The following SAE1 variants were observed in gnomAD, a reference collection of about 807,000 sequenced individuals.
SAE1 encodes SUMO-activating enzyme subunit 1.
SAE1 carries 11 observed loss-of-function variants against 40.6 expected under a neutral mutation model. That is an observed-to-expected ratio of 0.27 (90% CI 0.17 to 0.45). SAE1 has a LOEUF of 0.45. Among genes scored for constraint, SAE1 ranks in the 20% least tolerant of loss-of-function variants. The probability of loss-of-function intolerance (pLI) is 1.00; values close to 1 mark genes in which losing one functional copy is unlikely to be tolerated. For synonymous variants in SAE1, 155 were observed against 154.3 expected, an observed-to-expected ratio of 1.00 and a Z score of -0.03; for missense variants, 373 against 427.3, an observed-to-expected ratio of 0.87 and a Z score of 1.12.
At chr19:47,180,955 C>T (rs564637131) in intron 6 of SAE1, among the ~76,000 whole-genome samples, 29 of 152,188 alleles carry the variant, frequency 1.9e-4, no homozygotes, top group African/African-American at 7.0e-4. Flanking sequence ...AATATGTAAC[C>T]CTGGGTTGGA....
At chr19:47,161,107 T>G (rs969085355) in intron 5 of SAE1, among the ~76,000 whole-genome samples, 3 of 151,714 alleles carry the variant, frequency 2.0e-5, no homozygotes, top group Non-Finnish European at 4.4e-5. Flanking sequence ...GCTAAAGGGA[T>G]CCTCCCACCC....
chr19:47,164,229 C>T (rs1178923454), intron 5 of SAE1, among the ~76,000 whole-genome samples: 9 of 151,946 alleles, frequency 5.9e-5, no homozygotes, highest in Non-Finnish European at 1.2e-4. Flanking sequence ...AGTGCAGTGG[C>T]GCAATCTCGG....
intron 6 of SAE1, among the ~76,000 whole-genome samples, chr19:47,195,078 G>C (rs1014163237): frequency 2.1e-5 from 3 of 144,092 alleles, no homozygotes; most frequent in Non-Finnish European, 4.5e-5. Flanking sequence ...TTTCTGAGAT[G>C]AAGTCTCACT....
rs2058280474 is a variant in SAE1 at position 47,150,317 on chromosome 19, A to AGGT, written c.329_331dup (p.Val110dup). On this transcript the variant is annotated inframe_insertion, in exon 3 of 9. Transcript: ENST00000270225. ...AATCTCAACCCCATGGTGGATGTGA[A>AGGT]GGTGGACACTGAGGATATAGAGAAG... 1.9e-6 allele frequency: 3 copies of AGGT among 1,613,662 alleles called. No homozygotes were observed. The highest frequency in any genetic ancestry group is 2.5e-6 in the Non-Finnish European group (3 of 1,179,844).
At chr19:47,151,893 C>T (rs539585155) in intron 3 of SAE1, among the ~76,000 whole-genome samples, 5 of 152,322 alleles carry the variant, frequency 3.3e-5, no homozygotes, top group East Asian at 3.9e-4. Flanking sequence ...CCTTGCAGGC[C>T]GTGTTTGGCT....
intron 8 of SAE1, among the ~76,000 whole-genome samples, chr19:47,207,793 T>G (rs1415780321): frequency 1.3e-5 from 2 of 151,896 alleles, no homozygotes; most frequent in Non-Finnish European, 2.9e-5. Context: ...CGCCACCACA[T>G]CCAACTAATT....
intron 2 of SAE1, among the ~76,000 whole-genome samples, chr19:47,145,410 G>T (rs539411495): frequency 6.6e-6 from 1 of 152,230 alleles, no homozygotes; most frequent in East Asian, 1.9e-4. Context: ...GCCTCCCAAA[G>T]TGCGGTGATT....
chr19:47,185,068 C>T (rs941925970), intron 6 of SAE1, among the ~76,000 whole-genome samples: 2 of 151,982 alleles, frequency 1.3e-5, no homozygotes, highest in African/African-American at 4.8e-5. Flanking sequence ...GATCCACCCG[C>T]CTCGGCCTTC....
At chr19:47,136,643 G>A (rs1406869612) in intron 1 of SAE1, among the ~76,000 whole-genome samples, 1 of 151,610 alleles carries the variant, frequency 6.6e-6, no homozygotes, top group Non-Finnish European at 1.5e-5. Context: ...TTACAGGCGT[G>A]TGCCACCATG....
chr19:47,189,981 G>C (rs1178522898), intron 6 of SAE1, among the ~76,000 whole-genome samples: 6 of 152,134 alleles, frequency 3.9e-5, no homozygotes, highest in African/African-American at 1.4e-4. Flanking sequence ...TGTAAAGGTG[G>C]TTGTATATTC....
rs1390301170 is a variant in SAE1 at position 47,209,367 on chromosome 19, A to G, written c.*116A>G. The G allele has an allele frequency of 1.9e-6, 3 of 1,556,604 alleles. No individual in the cohort carries two copies. The East Asian group carries it at 6.8e-5, about 36-fold the overall frequency. On this transcript the variant is annotated 3_prime_UTR_variant, in exon 9 of 9. Coordinates refer to ENST00000270225, the MANE Select transcript of SAE1 (RefSeq NM_005500.3). ...GGAAAACTGAAGTCATTGGCCCGAT[A>G]CAAAACATTTCCTGCAACGAAGGAG... is the stretch of plus-strand genomic sequence containing the variant.
At chr19:47,189,552 C>G (rs1338330180) in intron 6 of SAE1, among the ~76,000 whole-genome samples, 1 of 152,054 alleles carries the variant, frequency 6.6e-6, no homozygotes, top group East Asian at 1.9e-4. Flanking sequence ...CAGAGCGAGA[C>G]TCTGTCTTAA....
chr19:47,182,489 GTGTGTGTGCGCGCACGCA>G (rs1307993820), intron 6 of SAE1, among the ~76,000 whole-genome samples: 23 of 145,448 alleles, frequency 1.6e-4, no homozygotes, highest in African/African-American at 5.6e-4. Context: ...GTGTGTGTGT[GTGTGTGTGCGCGCACGCA>G]CGCGCGCGCG....
chr19:47,209,164 G>T lies in SAE1; in HGVS notation c.954G>T (p.Leu318=), dbSNP rs138762781. 3 of 1,613,776 alleles carry T rather than the reference G, an allele frequency of 1.9e-6. No homozygotes were observed. Among genetic ancestry groups the T allele is most frequent in the Non-Finnish European group, 2.5e-6 (3 of 1,179,916 alleles). Residue 318 remains leucine, a synonymous_variant, in exon 9 of 9, where the codon CTG becomes CTT. Coordinates refer to ENST00000270225, the MANE Select transcript of SAE1 (RefSeq NM_005500.3). ...CTTTTCATTTTTCTCCCCAGGCCCT[G>T]TCTCAGCGGGACCCTCCTCACAACA... ...GILAQEIVKA[L]SQRDPPHNNF...
Position 47,182,498 on chromosome 19 carries a change from C to T in SAE1, c.733+12575C>T, listed in dbSNP as rs75438635. ...GTGTGTGTGTGTGTGTGTGTGTGTG[C>T]GCGCACGCACGCGCGCGCGCACACC... On this transcript the variant is annotated intron_variant, in intron 6 of 8. Transcript: ENST00000270225. 4.4e-3 allele frequency among the ~76,000 whole-genome samples: 478 copies of T among 107,706 alleles called. 7 individuals carry two copies. In the East Asian group the frequency reaches 0.1, roughly 23 times the overall value. 70.7% of individuals were successfully genotyped at this position (107,706 alleles called of 152,430 possible). A position where few individuals can be genotyped will look rare whatever the true frequency, so the allele number is the denominator to read the frequency against.
intron 6 of SAE1, among the ~76,000 whole-genome samples, chr19:47,193,057 C>CTTTT (rs869046931): frequency 7.3e-6 from 1 of 137,022 alleles, no homozygotes; most frequent in African/African-American, 2.7e-5. Context: ...TGGTCACAGC[C>CTTTT]TTTTTTTTTT....
intron 7 of SAE1, among the ~76,000 whole-genome samples, chr19:47,201,359 C>CTTT (rs1491295534): frequency 1.8e-5 from 1 of 56,362 alleles, no homozygotes; most frequent in Admixed American, 2.0e-4. Flanking sequence ...TTATCTGGTT[C>CTTT]CTTTTTTTTT....
chr19:47,177,659 G>A (rs1245020256), intron 6 of SAE1, among the ~76,000 whole-genome samples: 1 of 152,132 alleles, frequency 6.6e-6, no homozygotes, highest in Non-Finnish European at 1.5e-5. Flanking sequence ...GCACCACCCT[G>A]CCTGGCTCGT....
intron 6 of SAE1, among the ~76,000 whole-genome samples, chr19:47,179,213 G>C (rs1184254497): frequency 6.9e-6 from 1 of 144,678 alleles, no homozygotes; most frequent in African/African-American, 2.5e-5. Flanking sequence ...AAAAAAGAAA[G>C]AAAAATCTCT....
Sources: allele counts gnomAD v4.1 joint callset (sites outside exome capture counted in the v4.1 genomes callset), GRCh38; gene constraint gnomAD v4.1.1; transcripts MANE v1.5; gene names NCBI Gene and HGNC (gene_info 2026-07-23, HGNC 2026-07-21).